Variants in ROBO2 observed in about 807,000 individuals in gnomAD.
ROBO2 encodes the protein roundabout guidance receptor 2.
Under a neutral mutation model 160.8 loss-of-function variants are expected in ROBO2, and 53 were observed. That is an observed-to-expected ratio of 0.33 (90% CI 0.26 to 0.41). ROBO2 has a LOEUF of 0.41. Ranked by LOEUF, ROBO2 falls within the 10% of genes least tolerant of loss-of-function variation. The pLI is 1.00. For synonymous variants in ROBO2, 664 were observed against 611.7 expected (o/e 1.09, Z -1.26); for missense variants, 1,577 against 1,722.4 (o/e 0.92, Z 1.49).
chr3:76,539,059 C>A (rs2082673787), intron 2 of ROBO2, among the ~76,000 whole-genome samples: 1 of 152,086 alleles, frequency 6.6e-6, no homozygotes. Flanking sequence ...ATGGATGAAG[C>A]TGGAAACCAT....
At chr3:76,481,604 G>C (rs935845042) in intron 2 of ROBO2, among the ~76,000 whole-genome samples, 1 of 152,114 alleles carries the variant, frequency 6.6e-6, no homozygotes, top group Non-Finnish European at 1.5e-5. Context: ...CTTAAAGTTT[G>C]CATCAGCATC....
At chr3:77,332,719 G>A (rs2066101242) in intron 2 of ROBO2, among the ~76,000 whole-genome samples, 1 of 152,146 alleles carries the variant, frequency 6.6e-6, no homozygotes, top group African/African-American at 2.4e-5. Flanking sequence ...TGTAGTACAT[G>A]TTTGTACCTG....
intron 23 of ROBO2, chr3:77,634,302 T>C (rs1384504354): frequency 3.1e-5 from 5 of 159,724 alleles, no homozygotes; most frequent in Non-Finnish European, 6.9e-5. Context: ...GTTGAGTTTC[T>C]GCCAAAAGAG....
intron 2 of ROBO2, among the ~76,000 whole-genome samples, chr3:77,025,213 TC>T (rs1421982915): frequency 7.2e-5 from 11 of 152,214 alleles, no homozygotes; most frequent in Non-Finnish European, 4.4e-5. Context: ...TCAATTAATG[TC>T]CTTTGCATTT....
intron 15 of ROBO2, 137 bp downstream of exon 16, chr3:77,577,751 CAG>C: frequency 9.0e-7 from 1 of 1,112,544 alleles, no homozygotes; most frequent in African/African-American, 1.6e-5. Flanking sequence ...TTCTGTGTGA[CAG>C]AGAATGAAAC....
chr3:76,171,186 T>G (rs1383504422), intron 2 of ROBO2, among the ~76,000 whole-genome samples: 1 of 152,142 alleles, frequency 6.6e-6, no homozygotes, highest in Admixed American at 6.6e-5. Flanking sequence ...TCTCATTATT[T>G]TCACAATTTC....
intron 2 of ROBO2, among the ~76,000 whole-genome samples, chr3:76,393,712 GGGAGTGAAGT>G (rs1344085943): frequency 6.6e-6 from 1 of 152,136 alleles, no homozygotes; most frequent in Non-Finnish European, 1.5e-5. Flanking sequence ...AAGTGAAGCT[GGGAGTGAAGT>G]GGAGTGAAGC....
chr3:77,625,578 A>C (rs1334255614), intron 23 of ROBO2, among the ~76,000 whole-genome samples: 1 of 152,044 alleles, frequency 6.6e-6, no homozygotes, highest in Non-Finnish European at 1.5e-5. Context: ...GGGTTTCACC[A>C]TGTTGACCAA....
At chr3:76,293,532 G>A (rs538887008) in intron 2 of ROBO2, among the ~76,000 whole-genome samples, 1 of 152,242 alleles carries the variant, frequency 6.6e-6, no homozygotes, top group African/African-American at 2.4e-5. Context: ...CCAAAAAAAA[G>A]TAATAAAAAT....
chr3:76,286,223 G>C (rs1331583090), intron 2 of ROBO2, among the ~76,000 whole-genome samples: 1 of 152,144 alleles, frequency 6.6e-6, no homozygotes, highest in African/African-American at 2.4e-5. Context: ...TTCCATAAAA[G>C]CAATGATATT....
intron 2 of ROBO2, among the ~76,000 whole-genome samples, chr3:76,441,198 T>C (rs2076910782): frequency 6.6e-6 from 1 of 152,190 alleles, no homozygotes; most frequent in African/African-American, 2.4e-5. Context: ...TTTTATATAA[T>C]ATTAAGACAT....
chr3:76,356,258 A>C (rs375411240), intron 2 of ROBO2, among the ~76,000 whole-genome samples: 2 of 151,728 alleles, frequency 1.3e-5, no homozygotes, highest in Non-Finnish European at 2.9e-5. Flanking sequence ...AAAAGATAAC[A>C]GGAAAAGAGA....
chr3:76,606,652 T>C (rs912680121), intron 2 of ROBO2, among the ~76,000 whole-genome samples: 25 of 152,156 alleles, frequency 1.6e-4, no homozygotes, highest in African/African-American at 5.5e-4. Flanking sequence ...GTTGGTTTTT[T>C]TTGTCTCCAT....
intron 2 of ROBO2, among the ~76,000 whole-genome samples, chr3:76,671,779 G>A (rs2092271519): frequency 6.6e-6 from 1 of 151,752 alleles, no homozygotes; most frequent in African/African-American, 2.4e-5. Flanking sequence ...GATATTTAAA[G>A]GCCTACCCAT....
chr3:77,244,355 G>T (rs1040069670), intron 2 of ROBO2, among the ~76,000 whole-genome samples: 4 of 152,028 alleles, frequency 2.6e-5, no homozygotes, highest in Non-Finnish European at 5.9e-5. Flanking sequence ...AGGAAAACAT[G>T]GTAAAAATAC....
chr3:76,778,459 T>G (rs72894252), intron 2 of ROBO2, among the ~76,000 whole-genome samples: 1,560 of 151,130 alleles, frequency 0.01, 21 homozygotes, highest in African/African-American at 0.035. Context: ...TATTAGCTAG[T>G]GTTCTTGAGT....
intron 6 of ROBO2, among the ~76,000 whole-genome samples, chr3:77,543,947 C>T (rs2092590913): frequency 6.6e-6 from 1 of 152,104 alleles, no homozygotes; most frequent in Non-Finnish European, 1.5e-5. Flanking sequence ...ATTTTCGATA[C>T]ATGCTAAATT....
chr3:77,179,865 T>C (rs1217534624), intron 2 of ROBO2, among the ~76,000 whole-genome samples: 2 of 152,128 alleles, frequency 1.3e-5, no homozygotes, highest in Non-Finnish European at 2.9e-5. Context: ...CGGTTCTGGA[T>C]GTACTCTGTT....
chr3:76,261,629 A>G (rs1489554049), intron 2 of ROBO2, among the ~76,000 whole-genome samples: 2 of 152,128 alleles, frequency 1.3e-5, no homozygotes, highest in Non-Finnish European at 2.9e-5. Flanking sequence ...AAAATTTAGC[A>G]TAAAAGAATA....
Sources: allele counts gnomAD v4.1 joint callset (sites outside exome capture counted in the v4.1 genomes callset), GRCh38; gene constraint gnomAD v4.1.1; transcripts MANE v1.5; gene names NCBI Gene and HGNC (gene_info 2026-07-23, HGNC 2026-07-21).